The following NETO1 variants were observed in gnomAD, a reference collection of about 807,000 sequenced individuals.
NETO1 encodes neuropilin and tolloid-like protein 1.
In NETO1, 26 loss-of-function variants were observed where a neutral mutation model predicts 61.3. That is an observed-to-expected ratio of 0.42 (90% CI 0.31 to 0.59). The LOEUF (loss-of-function observed/expected upper bound fraction) is 0.59. Ranked by LOEUF, NETO1 falls within the 20% of genes least tolerant of loss-of-function variation. NETO1 has a pLI of 0.12. For missense variants in NETO1, 531 were observed against 662.8 expected, an observed-to-expected ratio of 0.80 and a Z score of 2.18; for synonymous variants, 225 against 225.8, an observed-to-expected ratio of 1.00 and a Z score of 0.03.
At position 72,840,509 on chromosome 18, in the gene NETO1, G is replaced by C. The variant is rs529001587; in HGVS notation, c.469+18317C>G. On this transcript the variant is annotated intron_variant, in intron 4 of 10. Transcript: ENST00000327305. ...CATCCTTCCAACGATATGAGCAATAGGAGGGCAATTACTGAGGGTGATTTA... is the reference window on the plus strand; with the variant it reads ...CATCCTTCCAACGATATGAGCAATACGAGGGCAATTACTGAGGGTGATTTA... Among the ~76,000 whole-genome samples the C allele has an allele frequency of 4.6e-5, 7 of 152,314 alleles. No individual in the cohort carries two copies. The East Asian group carries it at 1.4e-3, about 29-fold the overall frequency.
At chr18:72,757,624 G>GA (rs959117608) in intron 7 of NETO1, among the ~76,000 whole-genome samples, 19 of 150,566 alleles carry the variant, frequency 1.3e-4, no homozygotes, top group African/African-American at 2.9e-4. Context: ...TAGTCATTTT[G>GA]AAAAAAAAAG....
chr18:72,798,747 C>A (rs2072403731), intron 4 of NETO1, among the ~76,000 whole-genome samples: 1 of 152,118 alleles, frequency 6.6e-6, no homozygotes, highest in Non-Finnish European at 1.5e-5. Flanking sequence ...GGGTTAAAGA[C>A]CCAATGATGA....
chr18:72,851,967 CTTGATTT>C (rs2074263573), intron 4 of NETO1, among the ~76,000 whole-genome samples: 1 of 152,252 alleles, frequency 6.6e-6, no homozygotes, highest in South Asian at 2.1e-4. Flanking sequence ...ACTCTGCTCT[CTTGATTT>C]TTAAGTAGAA....
chr18:72,753,476 C>G (rs1242947450), intron 8 of NETO1, among the ~76,000 whole-genome samples: 1 of 152,170 alleles, frequency 6.6e-6, no homozygotes, highest in East Asian at 1.9e-4. Context: ...AAATGAAAGA[C>G]ATTGTGAGAC....
chr18:72,749,769 A>G (rs1220309351), intron 9 of NETO1, among the ~76,000 whole-genome samples: 1 of 152,144 alleles, frequency 6.6e-6, no homozygotes, highest in African/African-American at 2.4e-5. Context: ...TTATAAATTA[A>G]AAGCCATCAT....
At chr18:72,780,355 T>C (rs1213932018) in intron 7 of NETO1, among the ~76,000 whole-genome samples, 1 of 152,204 alleles carries the variant, frequency 6.6e-6, no homozygotes, top group Non-Finnish European at 1.5e-5. Context: ...TTCAATGACT[T>C]CTAGAGATAA....
intron 7 of NETO1, among the ~76,000 whole-genome samples, chr18:72,774,709 C>T (rs946938944): frequency 1.3e-5 from 2 of 152,116 alleles, no homozygotes; most frequent in African/African-American, 4.8e-5. Context: ...ATTGTTTTTA[C>T]TGTTAGCCTC....
chr18:72,749,440 T>C (rs2070518040), intron 9 of NETO1, among the ~76,000 whole-genome samples: 2 of 152,186 alleles, frequency 1.3e-5, no homozygotes, highest in Non-Finnish European at 2.9e-5. Context: ...ATTGCATTTA[T>C]AGTTGAAGGA....
rs144297139 is a variant in NETO1 at position 72,834,323 on chromosome 18, C to T, written c.469+24503G>A. 5,238 of 876,568 alleles carry T rather than the reference C, an allele frequency of 6.0e-3. 14 individuals carry two copies. Among genetic ancestry groups the T allele is most frequent in the Non-Finnish European group, 6.7e-3 (4,926 of 731,276 alleles). The allele number at this position is 876,568 out of a possible 1,614,324, so 54.3% of individuals were successfully genotyped here. A position where few individuals can be genotyped will look rare whatever the true frequency, so the allele number is the denominator to read the frequency against. ...CATAAATGACAAAACTGTAGTTTAACCAGTTACTTTTTAGAAAGAAAGGAA... is the reference window on the plus strand; with the variant it reads ...CATAAATGACAAAACTGTAGTTTAATCAGTTACTTTTTAGAAAGAAAGGAA... On this transcript the variant is annotated intron_variant, in intron 4 of 10. Coordinates refer to ENST00000327305, the MANE Select transcript of NETO1 (RefSeq NM_138966.5).
At chr18:72,770,650 T>C (rs910521783) in intron 7 of NETO1, among the ~76,000 whole-genome samples, 1 of 152,184 alleles carries the variant, frequency 6.6e-6, no homozygotes, top group African/African-American at 2.4e-5. Flanking sequence ...CATTAAGATT[T>C]ATAGTAAGAC....
At chr18:72,774,785 A>G (rs1313743311) in intron 7 of NETO1, among the ~76,000 whole-genome samples, 1 of 152,220 alleles carries the variant, frequency 6.6e-6, no homozygotes, top group Non-Finnish European at 1.5e-5. Context: ...TAATACTTAA[A>G]TGTTTTGTCT....
chr18:72,800,832 CT>C (rs1283876453), intron 4 of NETO1, among the ~76,000 whole-genome samples: 6 of 152,138 alleles, frequency 3.9e-5, no homozygotes, highest in African/African-American at 1.2e-4. Context: ...AATACAGTTA[CT>C]TTACCCCAAC....
chr18:72,772,780 G>A (rs1274060607), intron 7 of NETO1, among the ~76,000 whole-genome samples: 1 of 57,002 alleles, frequency 1.8e-5, no homozygotes, highest in Admixed American at 1.5e-4. Context: ...TATATATACA[G>A]ATCTCTATAT....
At chr18:72,865,651 C>A in intron 1 of NETO1, 2 of 1,579,078 alleles carry the variant, frequency 1.3e-6, no homozygotes, top group Non-Finnish European at 1.7e-6. Flanking sequence ...GAGAGGCAAA[C>A]AATGAGAACA....
chr18:72,770,793 T>C lies in NETO1; in HGVS notation c.868+12885A>G, dbSNP rs2071329225. Among the ~76,000 whole-genome samples, 4 of 152,276 alleles carry C rather than the reference T, an allele frequency of 2.6e-5. 1 individual carries two copies. The South Asian group carries it at 8.3e-4, about 32-fold the overall frequency. ...TTAGTATTTACACCAAACTTGTAAA[T>C]TGTGTTTGGCCTTGCTTATTCTAGA... On this transcript the variant is annotated intron_variant, in intron 7 of 10. Coordinates refer to ENST00000327305, the MANE Select transcript of NETO1 (RefSeq NM_138966.5).
intron 4 of NETO1, among the ~76,000 whole-genome samples, chr18:72,846,786 G>GAA (rs1360987281): frequency 6.6e-6 from 1 of 152,148 alleles, no homozygotes; most frequent in Admixed American, 6.5e-5. Flanking sequence ...GCAGATCTCT[G>GAA]AAAGACCAGT....
intron 4 of NETO1, among the ~76,000 whole-genome samples, chr18:72,799,963 G>A (rs560368600): frequency 6.6e-6 from 1 of 152,354 alleles, no homozygotes; most frequent in African/African-American, 2.4e-5. Context: ...GTTCAAGTCA[G>A]CAAATAAAGT....
intron 8 of NETO1, among the ~76,000 whole-genome samples, chr18:72,755,454 G>A (rs1009247669): frequency 4.6e-5 from 7 of 151,986 alleles, no homozygotes; most frequent in Admixed American, 2.0e-4. Flanking sequence ...ACTAAAACAT[G>A]CAACATCCAT....
intron 4 of NETO1, chr18:72,834,837 G>A: frequency 1.0e-6 from 1 of 982,068 alleles, no homozygotes; most frequent in Non-Finnish European, 1.2e-6. Context: ...TTTGGGGAGA[G>A]TGGAGACTAT....
Sources: gnomAD v4.1 joint callset for allele counts (sites outside exome capture counted in the v4.1 genomes callset) on GRCh38, gnomAD v4.1.1 for gene constraint, MANE v1.5 for transcripts, NCBI Gene and HGNC (gene_info 2026-07-23, HGNC 2026-07-21) for gene names.